Variants in TNKS2 observed in about 807,000 individuals in gnomAD.
TNKS2 encodes poly [ADP-ribose] polymerase tankyrase-2.
Under a neutral mutation model 137.6 loss-of-function variants are expected in TNKS2, and 72 were observed. That is an observed-to-expected ratio of 0.52 (90% CI 0.43 to 0.64). The LOEUF (loss-of-function observed/expected upper bound fraction) is 0.64. Ranked by LOEUF, TNKS2 falls within the 30% of genes least tolerant of loss-of-function variation. TNKS2 has a pLI of 0.00. For missense variants in TNKS2, 1,049 were observed against 1,410.2 expected (o/e 0.74, Z 4.10); for synonymous variants, 516 against 512.1 (o/e 1.01, Z -0.10).
In TNKS2 at chr10:91,842,356, C is replaced by T; in HGVS notation, c.2024C>T (p.Thr675Ile). 6.2e-7 allele frequency: 1 copy of T among 1,614,078 alleles called. No homozygotes were observed. Among genetic ancestry groups the T allele is most frequent in the Non-Finnish European group, 8.5e-7 (1 of 1,179,984 alleles). Residue 675 changes from threonine to isoleucine, a missense_variant, in exon 16 of 27, where the codon ACC becomes ATC. Physicochemically the swap from Thr to Ile is moderately conservative, Grantham distance 89. Transcript: ENST00000371627. ...CCTGATAATGTAAATTGCCGCGATA[C>T]CCAAGGCAGACATTCAACACCTTTA... ...SSPDNVNCRD[T>I]QGRHSTPLHL...
At position 91,859,665 on chromosome 10, in the gene TNKS2, T is replaced by A; in HGVS notation, c.3281+17T>A. On this transcript the variant is annotated intron_variant, in intron 25 of 26. Transcript: ENST00000371627. ...TTGCCACAGGTAAGAGATCACTTGT[T>A]CTCATTTATTTTGGTGGTAATCAGA... 2 of 1,599,580 alleles carry A rather than the reference T, an allele frequency of 1.3e-6. No individual in the cohort carries two copies. The highest frequency in any genetic ancestry group is 1.1e-5 in the South Asian group (1 of 88,804).
intron 1 of TNKS2, among the ~76,000 whole-genome samples, chr10:91,804,742 G>A (rs529474280): frequency 4.7e-4 from 72 of 152,190 alleles, no homozygotes; most frequent in Non-Finnish European, 8.7e-4. Context: ...CTCAGTTTGG[G>A]AAGTATGGTT....
Position 91,845,762 on chromosome 10 carries a change from T to A in TNKS2, c.2180T>A (p.Val727Glu), listed in dbSNP as rs749670777. The change falls in exon 18 of 27, where the codon GTA (valine) becomes GAA (glutamate). Residue 727 changes from valine to glutamate, a missense_variant. Physicochemically the swap from Val to Glu is moderately radical, Grantham distance 121 (BLOSUM62 -2). Coordinates refer to ENST00000371627, the MANE Select transcript of TNKS2 (RefSeq NM_025235.4). ...HNAASYGHVD[V>E]AALLIKYNAC... ...TATTTTCTTTTACAGCATGTAGATG[T>A]AGCAGCTCTACTAATAAAGTATAAT... 1 of 1,538,046 alleles carries A rather than the reference T, an allele frequency of 6.5e-7. No homozygotes were observed. The highest frequency in any genetic ancestry group is 1.2e-5 in the South Asian group (1 of 80,750).
At chr10:91,861,060 T>G (rs766223178) in intron 25 of TNKS2, among the ~76,000 whole-genome samples, 15 of 152,276 alleles carry the variant, frequency 9.9e-5, no homozygotes, top group Non-Finnish European at 2.1e-4. Flanking sequence ...AAAAGGTTGT[T>G]TGAAACTAAG....
In TNKS2 at chr10:91,813,180, A is replaced by C; in HGVS notation, c.397A>C (p.Ile133Leu). 6.2e-7 allele frequency: 1 copy of C among 1,614,148 alleles called. No homozygotes were observed. Among genetic ancestry groups the C allele is most frequent in the Non-Finnish European group, 8.5e-7 (1 of 1,180,006 alleles). ...WNYTPLHEAA[I>L]KGKIDVCIVL... ...TTATACTCCTCTCCATGAAGCTGCA[A>C]TTAAAGGAAAGATTGATGTTTGCAT... Residue 133 changes from isoleucine to leucine, a missense_variant, in exon 2 of 27, where the codon ATT becomes CTT. This residue lies in a region of TNKS2 where 374 missense variants were observed against 460.8 expected (regional missense o/e 0.81). Transcript: ENST00000371627.
At chr10:91,807,995 CAAAAA>C (rs35736923) in intron 1 of TNKS2, among the ~76,000 whole-genome samples, 11 of 118,584 alleles carry the variant, frequency 9.3e-5, no homozygotes, top group African/African-American at 2.3e-4. Flanking sequence ...GACTCTGTCT[CAAAAA>C]AAAAAAAAAA....
Position 91,830,918 on chromosome 10 carries a change from T to C in TNKS2, c.1105-5T>C, listed in dbSNP as rs1174664324. On this transcript the variant is annotated splice_region_variant and splice_polypyrimidine_tract_variant and intron_variant, in intron 9 of 26. Transcript: ENST00000371627. ...TTGATTAATGCTGCAATTTAAATTATTTAGCATTGTGCTGCTGCATCTCCA... is the reference window on the plus strand; with the variant it reads ...TTGATTAATGCTGCAATTTAAATTACTTAGCATTGTGCTGCTGCATCTCCA... 1 of 1,600,416 alleles carries C rather than the reference T, an allele frequency of 6.2e-7. No homozygotes were observed. Among genetic ancestry groups the C allele is most frequent in the South Asian group, 1.1e-5 (1 of 89,528 alleles).
intron 14 of TNKS2, 121 bp downstream of exon 14, chr10:91,840,827 TATTAAATA>T: frequency 1.1e-6 from 1 of 936,702 alleles, no homozygotes; most frequent in South Asian, 1.9e-5. Flanking sequence ...TTGGCCTAAA[TATTAAATA>T]GAGCTTCTTA....
chr10:91,846,973 C>T (rs1842394132), intron 18 of TNKS2, among the ~76,000 whole-genome samples: 1 of 152,188 alleles, frequency 6.6e-6, no homozygotes, highest in Non-Finnish European at 1.5e-5. Context: ...GTTGTACAAT[C>T]TTATGAACTG....
At chr10:91,813,240 T>C in intron 2 of TNKS2, 33 bp downstream of exon 2, 1 of 1,546,322 alleles carries the variant, frequency 6.5e-7, no homozygotes, top group Non-Finnish European at 8.9e-7. Context: ...CTTTTACTAA[T>C]GTTGTAACTA....
At chr10:91,842,776 AAAAT>A (rs1485206951) in intron 16 of TNKS2, among the ~76,000 whole-genome samples, 4 of 151,966 alleles carry the variant, frequency 2.6e-5, no homozygotes, top group South Asian at 2.1e-4. Flanking sequence ...AAAAATAAAA[AAAAT>A]AAATAAAAAT....
rs569374501 is a variant in TNKS2, at chr10:91,815,659, G to A, written c.425-1475G>A. 5.9e-5 allele frequency among the ~76,000 whole-genome samples: 9 copies of A among 152,106 alleles called. No homozygotes were observed. The South Asian group carries it at 1.7e-3, about 28-fold the overall frequency. On this transcript the variant is annotated intron_variant, in intron 2 of 26. Transcript: ENST00000371627. Reference sequence around the variant, plus strand: ...AAATGTAAATATTGAATTTTTGGATGTATTAGGTGAAATCTGTTCAAATTA... The same window carrying A: ...AAATGTAAATATTGAATTTTTGGATATATTAGGTGAAATCTGTTCAAATTA...
rs749693458 is a variant in TNKS2, at chr10:91,813,095, T to G, written c.312T>G (p.Ala104=). Residue 104 remains alanine (A), a synonymous_variant, in exon 2 of 27, where the codon GCT becomes GCG. Coordinates refer to ENST00000371627, the MANE Select transcript of TNKS2 (RefSeq NM_025235.4). Reference sequence around the variant, plus strand: ...ATAATGCATGCTCTTTTGGTCATGCTGAAGTAGTCAATCTCCTTTTGCGAC... The same window carrying G: ...ATAATGCATGCTCTTTTGGTCATGCGGAAGTAGTCAATCTCCTTTTGCGAC... The part of the protein sequence containing the change: ...PLHNACSFGH[A]EVVNLLLRHG... 2 of 1,614,160 alleles carry G rather than the reference T, an allele frequency of 1.2e-6. No individual in the cohort carries two copies. Among genetic ancestry groups the G allele is most frequent in the Admixed American group, 3.3e-5 (2 of 60,018 alleles).
intron 16 of TNKS2, 105 bp from the exon 17 acceptor site, chr10:91,844,814 A>G: frequency 1.6e-6 from 1 of 636,756 alleles, no homozygotes; most frequent in Admixed American, 2.9e-5. Context: ...ACATATATAT[A>G]TGTATACATG....
At chr10:91,853,121 A>C (rs1171996531) in intron 21 of TNKS2, among the ~76,000 whole-genome samples, 1 of 152,228 alleles carries the variant, frequency 6.6e-6, no homozygotes, top group Admixed American at 6.5e-5. Flanking sequence ...GGATAACAAG[A>C]GTCTTTTAGG....
In TNKS2 at chr10:91,807,761, G is replaced by A. The variant is rs191525221; in HGVS notation, c.200-5222G>A. ...TGTAATCCCAGCACTTCGGGAGGCCGAGGCGAGCGGCTCACGAGGTCAGGA... is the reference window on the plus strand; with the variant it reads ...TGTAATCCCAGCACTTCGGGAGGCCAAGGCGAGCGGCTCACGAGGTCAGGA... On this transcript the variant is annotated intron_variant, in intron 1 of 26. Coordinates refer to ENST00000371627, the MANE Select transcript of TNKS2 (RefSeq NM_025235.4). 2.0e-3 allele frequency among the ~76,000 whole-genome samples: 309 copies of A among 152,260 alleles called. 1 individual carries two copies. Among genetic ancestry groups the A allele is most frequent in the Middle Eastern group, 6.8e-3 (2 of 294 alleles).
chr10:91,827,857 A>G (rs1845114519), intron 8 of TNKS2, among the ~76,000 whole-genome samples: 1 of 152,188 alleles, frequency 6.6e-6, no homozygotes, highest in African/African-American at 2.4e-5. Context: ...TCTAGTTCCC[A>G]GTTCCCTGAT....
At chr10:91,814,652 C>G (rs1171581129) in intron 2 of TNKS2, among the ~76,000 whole-genome samples, 3 of 152,108 alleles carry the variant, frequency 2.0e-5, no homozygotes, top group Non-Finnish European at 4.4e-5. Flanking sequence ...TTTAGACATA[C>G]TTAGTTACAG....
intron 21 of TNKS2, among the ~76,000 whole-genome samples, chr10:91,854,144 C>T (rs1364820929): frequency 3.9e-5 from 6 of 152,220 alleles, no homozygotes; most frequent in African/African-American, 1.4e-4. Flanking sequence ...GTGGATTTCT[C>T]ATTCTAGGGT....
Sources: allele counts gnomAD v4.1 joint callset (sites outside exome capture counted in the v4.1 genomes callset), GRCh38; gene constraint gnomAD v4.1.1; regional missense constraint gnomAD v4.1.1; transcripts MANE v1.5; gene names NCBI Gene and HGNC (gene_info 2026-07-23, HGNC 2026-07-21).